Variants in ORC5 observed in about 807,000 individuals in gnomAD.
ORC5 encodes the protein protein phosphatase 1, regulatory subunit 117.
In ORC5, 39 loss-of-function variants were observed where a neutral mutation model predicts 58.8. The observed-to-expected ratio is 0.66, with a 90% CI of 0.51 to 0.87. The LOEUF (loss-of-function observed/expected upper bound fraction) is 0.87, where lower values mean the gene tolerates loss of function less well. Ranked by LOEUF, ORC5 falls within the 40% of genes least tolerant of loss-of-function variation. The probability of loss-of-function intolerance (pLI) is 0.00; values close to 1 mark genes in which losing one functional copy is unlikely to be tolerated. For synonymous variants in ORC5, 218 were observed against 177.6 expected, an observed-to-expected ratio of 1.23 and a Z score of -1.81; for missense variants, 493 against 506.3, an observed-to-expected ratio of 0.97 and a Z score of 0.25.
intron 12 of ORC5, among the ~76,000 whole-genome samples, chr7:104,160,033 A>G (rs917537727): frequency 2.0e-5 from 3 of 152,168 alleles, no homozygotes; most frequent in Admixed American, 1.3e-4. Context: ...TGATCTACCT[A>G]CCTATCTAGG....
chr7:104,131,538 T>A (rs12705175), intron 13 of ORC5, among the ~76,000 whole-genome samples: 16 of 152,288 alleles, frequency 1.1e-4, no homozygotes, highest in South Asian at 4.1e-4. Context: ...CTCAACCACA[T>A]AACCCCTTCA....
At chr7:104,193,729 A>C (rs1184901779) in intron 5 of ORC5, among the ~76,000 whole-genome samples, 1 of 151,050 alleles carries the variant, frequency 6.6e-6, no homozygotes, top group Admixed American at 6.6e-5. Context: ...TAAAAAAAAA[A>C]AACAAAACTG....
chr7:104,137,439 G>T (rs194850), intron 12 of ORC5, among the ~76,000 whole-genome samples: 2 of 151,728 alleles, frequency 1.3e-5, no homozygotes, highest in African/African-American at 4.8e-5. Flanking sequence ...CATGGTCCCT[G>T]GCTAGTGCTC....
At chr7:104,154,787 A>T (rs1044308593) in intron 12 of ORC5, among the ~76,000 whole-genome samples, 2 of 151,912 alleles carry the variant, frequency 1.3e-5, no homozygotes, top group East Asian at 3.8e-4. Flanking sequence ...AAAATTAACA[A>T]CGTCTCCTCT....
chr7:104,200,101 A>G (rs1799902403), intron 3 of ORC5, among the ~76,000 whole-genome samples: 1 of 152,208 alleles, frequency 6.6e-6, no homozygotes, highest in Admixed American at 6.5e-5. Context: ...CTGTAAGTCA[A>G]TTAAATCTCT....
chr7:104,159,520 CAAA>C (rs200032572), intron 12 of ORC5, among the ~76,000 whole-genome samples: 4 of 125,546 alleles, frequency 3.2e-5, no homozygotes, highest in African/African-American at 6.6e-5. Context: ...TAGAGAAAGC[CAAA>C]AAAAAAAAAA....
At chr7:104,127,452 T>C (rs1482777588) in intron 13 of ORC5, among the ~76,000 whole-genome samples, 1 of 152,214 alleles carries the variant, frequency 6.6e-6, no homozygotes, top group African/African-American at 2.4e-5. Flanking sequence ...TGTATATTTT[T>C]GTACTCTGAT....
intron 1 of ORC5, among the ~76,000 whole-genome samples, chr7:104,206,351 T>G (rs1473840567): frequency 6.6e-6 from 1 of 152,186 alleles, no homozygotes; most frequent in East Asian, 1.9e-4. Flanking sequence ...AAACTGATAT[T>G]AAAATATTGT....
At chr7:104,169,855 T>A (rs1387544026) in intron 8 of ORC5, among the ~76,000 whole-genome samples, 1 of 152,204 alleles carries the variant, frequency 6.6e-6, no homozygotes. Context: ...GAATACATAA[T>A]ATTTACATAC....
intron 11 of ORC5, among the ~76,000 whole-genome samples, chr7:104,164,667 AAT>A (rs1207212564): frequency 2.6e-5 from 4 of 152,200 alleles, no homozygotes; most frequent in African/African-American, 9.6e-5. Context: ...AAGTGATCTA[AAT>A]AGTCTAAATG....
intron 12 of ORC5, among the ~76,000 whole-genome samples, chr7:104,160,571 A>G (rs777119979): frequency 6.6e-6 from 1 of 152,012 alleles, no homozygotes; most frequent in Admixed American, 6.6e-5. Context: ...TTTTAAAGTC[A>G]TATTTTCTAT....
intron 13 of ORC5, among the ~76,000 whole-genome samples, chr7:104,135,471 T>G (rs1200473279): frequency 6.6e-6 from 1 of 152,166 alleles, no homozygotes; most frequent in Non-Finnish European, 1.5e-5. Flanking sequence ...AAAACATTTT[T>G]TATAGAGACG....
At chr7:104,179,141 G>C (rs1799383644) in intron 8 of ORC5, among the ~76,000 whole-genome samples, 1 of 146,850 alleles carries the variant, frequency 6.8e-6, no homozygotes, top group African/African-American at 2.5e-5. Flanking sequence ...AAGAGACAGG[G>C]TCTCACCATG....
At chr7:104,160,714 C>CA (rs1004441504) in intron 12 of ORC5, among the ~76,000 whole-genome samples, 269 of 151,648 alleles carry the variant, frequency 1.8e-3, no homozygotes, top group African/African-American at 6.0e-3. Context: ...TACTCTGTTA[C>CA]AAAAAAAAAT....
intron 12 of ORC5, among the ~76,000 whole-genome samples, chr7:104,139,669 T>C (rs907283783): frequency 6.6e-6 from 1 of 152,080 alleles, no homozygotes; most frequent in African/African-American, 2.4e-5. Context: ...AGGCTAAGAC[T>C]TTAATTTCTA....
Position 104,136,517 on chromosome 7 carries a change from T to G in ORC5, c.1262+264A>C, listed in dbSNP as rs1798589989. On this transcript the variant is annotated intron_variant, in intron 13 of 13. Transcript: ENST00000297431. The surrounding 1 kb of genome is among the most constrained non-coding windows in gnomAD (Gnocchi z 4.2). ...TCTGTAGCCAACTGTCCATTAAATCTTACCTTGCCACTATGGGATCATTTA... is the reference window on the plus strand; with the variant it reads ...TCTGTAGCCAACTGTCCATTAAATCGTACCTTGCCACTATGGGATCATTTA... Among the ~76,000 whole-genome samples, 2 of 152,234 alleles carry G rather than the reference T, an allele frequency of 1.3e-5. No individual in the cohort carries two copies. The highest frequency in any genetic ancestry group is 4.1e-4 in the South Asian group (2 of 4,830).
intron 8 of ORC5, among the ~76,000 whole-genome samples, chr7:104,182,362 C>G (rs1020171210): frequency 6.6e-6 from 1 of 152,120 alleles, no homozygotes. Context: ...TCTTACTCCT[C>G]TTAATGCCTA....
intron 12 of ORC5, among the ~76,000 whole-genome samples, chr7:104,153,490 AGTT>A (rs150844828): frequency 0.033 from 4,957 of 152,270 alleles, 139 homozygotes; most frequent in South Asian, 0.11. Context: ...TCACAATCTC[AGTT>A]GTTGTTAAGA....
chr7:104,180,922 CTG>C (rs1562821293), intron 8 of ORC5, among the ~76,000 whole-genome samples: 1 of 152,154 alleles, frequency 6.6e-6, no homozygotes, highest in Non-Finnish European at 1.5e-5. Context: ...TTCTAAGTCT[CTG>C]TCATCCTACA....
Sources: allele counts gnomAD v4.1 joint callset (sites outside exome capture counted in the v4.1 genomes callset), GRCh38; gene constraint gnomAD v4.1.1; non-coding constraint Gnocchi (gnomAD v3.1); transcripts MANE v1.5; gene names NCBI Gene and HGNC (gene_info 2026-07-23, HGNC 2026-07-21).